Variants in CRYL1 observed in about 807,000 individuals in gnomAD.
The protein encoded by CRYL1 is crystallin lambda 1.
A neutral mutation model predicts 36.6 loss-of-function variants in CRYL1; 29 were observed. That is an observed-to-expected ratio of 0.79 (90% CI 0.59 to 1.08). The LOEUF is 1.08. Among genes scored for constraint, CRYL1 ranks in the 50% least tolerant of loss-of-function variants. The pLI, the probability that CRYL1 is intolerant of heterozygous loss-of-function variation, is 0.00. For missense variants in CRYL1, 411 were observed against 407.9 expected (o/e 1.01, Z -0.06); for synonymous variants, 152 against 151.5 (o/e 1.00, Z -0.02).
chr13:20,512,429 G>C lies in CRYL1; in HGVS notation c.149+14C>G, dbSNP rs145787754. The C allele has an allele frequency of 1.3e-6, 2 of 1,582,516 alleles. No individual in the cohort carries two copies. The highest frequency in any genetic ancestry group is 1.7e-6 in the Non-Finnish European group (2 of 1,152,484). ...CCCACTTCCATTCCTTCTGGAGAGC[G>C]CCGGCTGGCCCACCTGATGTTTTCC... On this transcript the variant is annotated intron_variant, in intron 2 of 7. Coordinates refer to ENST00000298248, the MANE Select transcript of CRYL1 (RefSeq NM_015974.3).
intron 3 of CRYL1, among the ~76,000 whole-genome samples, chr13:20,483,382 G>T (rs777492620): frequency 5.9e-5 from 9 of 151,638 alleles, no homozygotes; most frequent in Admixed American, 2.0e-4. Context: ...CAGGCTGGAG[G>T]GCAGTGGTGC....
At chr13:20,505,983 A>G (rs2033790780) in intron 2 of CRYL1, among the ~76,000 whole-genome samples, 1 of 152,096 alleles carries the variant, frequency 6.6e-6, no homozygotes, top group Admixed American at 6.6e-5. Context: ...ACTTACAAAA[A>G]CAAAGTTTGG....
At chr13:20,464,590 A>C (rs9315601) in intron 3 of CRYL1, among the ~76,000 whole-genome samples, 1 of 152,176 alleles carries the variant, frequency 6.6e-6, no homozygotes, top group Non-Finnish European at 1.5e-5. Flanking sequence ...GAATTTCAAT[A>C]ATTAAAATCT....
At chr13:20,461,025 A>G (rs1029494689) in intron 3 of CRYL1, among the ~76,000 whole-genome samples, 8 of 152,144 alleles carry the variant, frequency 5.3e-5, no homozygotes, top group African/African-American at 1.9e-4. Flanking sequence ...CAACTAGGGT[A>G]GCCGCTGTCT....
chr13:20,469,251 T>C (rs1053539317), intron 3 of CRYL1, among the ~76,000 whole-genome samples: 2 of 152,232 alleles, frequency 1.3e-5, no homozygotes, highest in African/African-American at 4.8e-5. Flanking sequence ...ACCTAGGACT[T>C]TCTTTTCAAC....
At position 20,480,654 on chromosome 13, in the gene CRYL1, C is replaced by T. The variant is rs74036392; in HGVS notation, c.276+8716G>A. 3.7e-3 allele frequency among the ~76,000 whole-genome samples: 566 copies of T among 152,336 alleles called. 4 individuals carry two copies. Among genetic ancestry groups the T allele is most frequent in the African/African-American group, 0.013 (540 of 41,570 alleles). On this transcript the variant is annotated intron_variant, in intron 3 of 7. Coordinates refer to ENST00000298248, the MANE Select transcript of CRYL1 (RefSeq NM_015974.3). ...GGTCCCACGATGTCTGAGACACAGGCAGGTCACTGCCTCGTCCATCACTGC... is the reference window on the plus strand; with the variant it reads ...GGTCCCACGATGTCTGAGACACAGGTAGGTCACTGCCTCGTCCATCACTGC...
chr13:20,459,756 G>A (rs1039238090), intron 3 of CRYL1, among the ~76,000 whole-genome samples: 9 of 152,122 alleles, frequency 5.9e-5, no homozygotes, highest in African/African-American at 2.2e-4. Context: ...GCTGATTACC[G>A]GGTGACAAAA....
At chr13:20,457,512 A>G (rs2032716364) in intron 3 of CRYL1, among the ~76,000 whole-genome samples, 2 of 152,248 alleles carry the variant, frequency 1.3e-5, no homozygotes, top group South Asian at 2.1e-4. Context: ...ATGAGGTCAG[A>G]TGAAATACAG....
At position 20,461,682 on chromosome 13, in the gene CRYL1, A is replaced by G. The variant is rs146959613; in HGVS notation, c.277-21928T>C. Among the ~76,000 whole-genome samples, 656 of 152,186 alleles carry G rather than the reference A, an allele frequency of 4.3e-3. 5 individuals are homozygous for G. Among genetic ancestry groups the G allele is most frequent in the African/African-American group, 0.015 (610 of 41,520 alleles). ...GCATGACTCACCCCATCTCAGGATC[A>G]TGGAAACAACTTGGGGGTGGGAGAA... On this transcript the variant is annotated intron_variant, in intron 3 of 7. Coordinates refer to ENST00000298248, the MANE Select transcript of CRYL1 (RefSeq NM_015974.3).
At chr13:20,492,842 G>A (rs9552206) in intron 2 of CRYL1, among the ~76,000 whole-genome samples, 31,548 of 152,136 alleles carry the variant, frequency 0.21, 3,470 homozygotes, top group East Asian at 0.3. Context: ...ACTTGGGGGT[G>A]CTACCAACCA....
intron 3 of CRYL1, among the ~76,000 whole-genome samples, chr13:20,476,119 T>G (rs1453961097): frequency 6.6e-6 from 1 of 152,138 alleles, no homozygotes; most frequent in African/African-American, 2.4e-5. Flanking sequence ...CAGAAATAGC[T>G]ACTCCAGTGT....
intron 4 of CRYL1, 68 bp downstream of exon 4, chr13:20,439,525 A>AAAAAG: frequency 3.7e-6 from 4 of 1,076,420 alleles, no homozygotes; most frequent in Non-Finnish European, 5.1e-6. Context: ...AAAAAAAAAA[A>AAAAAG]AAAAAGAAAA....
At chr13:20,429,651 G>C (rs1038434038) in intron 5 of CRYL1, among the ~76,000 whole-genome samples, 5 of 152,180 alleles carry the variant, frequency 3.3e-5, no homozygotes, top group African/African-American at 1.2e-4. Context: ...CTGAGACGAG[G>C]CACGGTTCTG....
chr13:20,439,578 A>T lies in CRYL1; in HGVS notation c.438+15T>A. 6.4e-7 allele frequency: 1 copy of T among 1,562,262 alleles called. No individual in the cohort carries two copies. The highest frequency in any genetic ancestry group is 8.7e-7 in the Non-Finnish European group (1 of 1,147,886). On this transcript the variant is annotated intron_variant, in intron 4 of 7. Transcript: ENST00000298248. Reference sequence around the variant, plus strand: ...AGATGAGATACAATCAATCCTCTGGATTTAAAATACTCACAGGATGAGCCA... The same window carrying T: ...AGATGAGATACAATCAATCCTCTGGTTTTAAAATACTCACAGGATGAGCCA...
rs971962046 is a variant in CRYL1, at chr13:20,435,944, C to T, written c.439-3648G>A. Among the ~76,000 whole-genome samples, 1 of 152,206 alleles carries T rather than the reference C, an allele frequency of 6.6e-6. No homozygotes were observed. Among genetic ancestry groups the T allele is most frequent in the Non-Finnish European group, 1.5e-5 (1 of 68,028 alleles). On this transcript the variant is annotated intron_variant, in intron 4 of 7. Transcript: ENST00000298248. The surrounding 1 kb of genome is among the most constrained non-coding windows in gnomAD (Gnocchi z 4.0). The stretch of plus-strand genomic sequence containing the variant: ...GGTAGCCCATCCTCTCGGCGGCGCG[C>T]TCGCAGGGAGGGCTCAAAGGCAGCT...
chr13:20,515,329 C>G (rs980622935), intron 1 of CRYL1, among the ~76,000 whole-genome samples: 2 of 152,174 alleles, frequency 1.3e-5, no homozygotes, highest in Non-Finnish European at 2.9e-5. Context: ...TGAATTACAG[C>G]TCAGTACTGC....
intron 1 of CRYL1, among the ~76,000 whole-genome samples, chr13:20,514,984 A>G (rs972221936): frequency 1.1e-4 from 17 of 152,250 alleles, no homozygotes; most frequent in Admixed American, 1.1e-3. Flanking sequence ...ACAATGTGGC[A>G]TACCCATATA....
chr13:20,414,203 A>AT (rs2031596339), intron 5 of CRYL1, among the ~76,000 whole-genome samples: 2 of 16,670 alleles, frequency 1.2e-4, no homozygotes, highest in Non-Finnish European at 2.7e-4. Flanking sequence ...AAAATTAAAA[A>AT]AATACACACA....
intron 6 of CRYL1, among the ~76,000 whole-genome samples, chr13:20,406,933 A>G (rs1201830561): frequency 6.6e-6 from 1 of 151,754 alleles, no homozygotes; most frequent in Non-Finnish European, 1.5e-5. Flanking sequence ...GCTCTCTGGA[A>G]CATGTCACAT....
Sources: allele counts gnomAD v4.1 joint callset (sites outside exome capture counted in the v4.1 genomes callset), GRCh38; gene constraint gnomAD v4.1.1; non-coding constraint Gnocchi (gnomAD v3.1); transcripts MANE v1.5; gene names NCBI Gene and HGNC (gene_info 2026-07-23, HGNC 2026-07-21).